Variants in FBXO32 observed in about 807,000 individuals in gnomAD.
FBXO32 encodes the protein F-box only protein 32.
FBXO32 carries 15 observed loss-of-function variants against 48.3 expected under a neutral mutation model. The observed-to-expected ratio is 0.31, with a 90% CI of 0.21 to 0.48. The LOEUF (loss-of-function observed/expected upper bound fraction) is 0.48. Among genes scored for constraint, FBXO32 ranks in the 20% least tolerant of loss-of-function variants. FBXO32 has a pLI of 0.99. For missense variants in FBXO32, 309 were observed against 432.7 expected, an observed-to-expected ratio of 0.71 and a Z score of 2.54; for synonymous variants, 154 against 165.9, an observed-to-expected ratio of 0.93 and a Z score of 0.55.
At chr8:123,534,125 A>AAG (rs1432339390) in intron 2 of FBXO32, among the ~76,000 whole-genome samples, 2 of 139,676 alleles carry the variant, frequency 1.4e-5, no homozygotes, top group Non-Finnish European at 3.3e-5. Flanking sequence ...AAAACACCAA[A>AAG]AAAAAAAAAA....
In FBXO32 at chr8:123,523,246, C is replaced by G. The variant is rs567882564; in HGVS notation, c.372+8652G>C. Among the ~76,000 whole-genome samples, 27 of 152,226 alleles carry G rather than the reference C, an allele frequency of 1.8e-4. 1 individual carries two copies. Among genetic ancestry groups the G allele is most frequent in the African/African-American group, 6.0e-4 (25 of 41,536 alleles). On this transcript the variant is annotated intron_variant, in intron 4 of 8. Coordinates refer to ENST00000517956, the MANE Select transcript of FBXO32 (RefSeq NM_058229.4). ...AGCTCACCTGCCCAATTTGGCACAT[C>G]CTAAGTTATGATAAGCCCCCAACAG...
At chr8:123,524,445 C>T (rs1586998314) in intron 4 of FBXO32, among the ~76,000 whole-genome samples, 1 of 152,316 alleles carries the variant, frequency 6.6e-6, no homozygotes, top group African/African-American at 2.4e-5. Context: ...AAGTTAATGA[C>T]CCCAGTACCA....
At chr8:123,511,936 T>C (rs1259491182) in intron 6 of FBXO32, among the ~76,000 whole-genome samples, 1 of 152,148 alleles carries the variant, frequency 6.6e-6, no homozygotes, top group Non-Finnish European at 1.5e-5. Context: ...AGAAACCAGG[T>C]AGAATGTGTA....
Position 123,525,399 on chromosome 8 carries a change from G to C in FBXO32, c.372+6499C>G, listed in dbSNP as rs752388237. 5.3e-5 allele frequency among the ~76,000 whole-genome samples: 8 copies of C among 152,298 alleles called. No individual in the cohort carries two copies. The highest frequency in any genetic ancestry group is 2.1e-4 in the South Asian group (1 of 4,820). On this transcript the variant is annotated intron_variant, in intron 4 of 8. Transcript: ENST00000517956. This position sits in a 1 kb window ranked among gnomAD's most constrained non-coding sequence, Gnocchi z 4.3. Reference sequence around the variant, plus strand: ...GAAAATTGGTACTCAAGTTCTCCGTGACCTTTCTGGGCTGTTAATGGTAGC... The same window carrying C: ...GAAAATTGGTACTCAAGTTCTCCGTCACCTTTCTGGGCTGTTAATGGTAGC...
intron 1 of FBXO32, among the ~76,000 whole-genome samples, chr8:123,537,411 A>G (rs1817328717): frequency 6.6e-6 from 1 of 152,170 alleles, no homozygotes; most frequent in Non-Finnish European, 1.5e-5. Flanking sequence ...ACCACATACC[A>G]AGATACTTTA....
chr8:123,532,901 C>A (rs1817237021), intron 3 of FBXO32, among the ~76,000 whole-genome samples: 1 of 152,194 alleles, frequency 6.6e-6, no homozygotes, highest in African/African-American at 2.4e-5. Context: ...TGAGGCAAAA[C>A]CCAGGGCAAT....
chr8:123,531,843 A>G (rs1817215865), intron 4 of FBXO32, 55 bp downstream of exon 4: 11 of 1,597,094 alleles, frequency 6.9e-6, no homozygotes, highest in Admixed American at 1.8e-5. Flanking sequence ...CAACCCAAAG[A>G]GATGATTCAA....
rs1337268089 is a variant in FBXO32, at chr8:123,513,093, A to C, written c.651+105T>G. On this transcript the variant is annotated intron_variant, in intron 6 of 8. Coordinates refer to ENST00000517956, the MANE Select transcript of FBXO32 (RefSeq NM_058229.4). The surrounding 1 kb of genome is among the most constrained non-coding windows in gnomAD (Gnocchi z 4.3). ...AGAACAAAGCAGCAGATCAGAAAAG[A>C]CCAGACTCTTCCGTCACAGGAGTGA... 1 of 1,239,128 alleles carries C rather than the reference A, an allele frequency of 8.1e-7. No homozygotes were observed. The highest frequency in any genetic ancestry group is 1.5e-5 in the African/African-American group (1 of 67,022). 76.8% of individuals were successfully genotyped at this position (1,239,128 alleles called of 1,614,324 possible).
intron 6 of FBXO32, among the ~76,000 whole-genome samples, chr8:123,507,438 G>GGTGTGTGTGTGTGT (rs200031056): frequency 1.2e-4 from 17 of 139,802 alleles, no homozygotes; most frequent in East Asian, 4.3e-4. Flanking sequence ...TCTGTGCTAG[G>GGTGTGTGTGTGTGT]GTGTGTGTGT....
Position 123,540,487 on chromosome 8 carries a change from C to G in FBXO32, c.116+412G>C, listed in dbSNP as rs1817389864. 6.6e-6 allele frequency among the ~76,000 whole-genome samples: 1 copy of G among 152,252 alleles called. No individual in the cohort carries two copies. Among genetic ancestry groups the G allele is most frequent in the African/African-American group, 2.4e-5 (1 of 41,468 alleles). On this transcript the variant is annotated intron_variant, in intron 1 of 8. Coordinates refer to ENST00000517956, the MANE Select transcript of FBXO32 (RefSeq NM_058229.4). The surrounding 1 kb of genome is among the most constrained non-coding windows in gnomAD (Gnocchi z 6.4). ...AGCGCTTGGGCGCTGGGAGCCGGGC[C>G]ACCCCGCGGTGAAGGGGCTCAGCCC...
At chr8:123,503,561 T>C (rs1036306493) in intron 8 of FBXO32, 99 bp from the exon 9 acceptor site, 12 of 816,314 alleles carry the variant, frequency 1.5e-5, no homozygotes, top group Middle Eastern at 3.0e-4. Context: ...CAATTCTCTG[T>C]CAATAATGCC....
Position 123,525,397 on chromosome 8 carries a change from G to A in FBXO32, c.372+6501C>T, listed in dbSNP as rs547607875. 2.6e-5 allele frequency among the ~76,000 whole-genome samples: 4 copies of A among 152,300 alleles called. No homozygotes were observed. The South Asian group carries it at 6.2e-4, about 24-fold the overall frequency. ...GAGAAAATTGGTACTCAAGTTCTCC[G>A]TGACCTTTCTGGGCTGTTAATGGTA... is the stretch of plus-strand genomic sequence containing the variant. On this transcript the variant is annotated intron_variant, in intron 4 of 8. Coordinates refer to ENST00000517956, the MANE Select transcript of FBXO32 (RefSeq NM_058229.4). The surrounding 1 kb of genome is among the most constrained non-coding windows in gnomAD (Gnocchi z 4.3).
At position 123,513,317 on chromosome 8, in the gene FBXO32, A is replaced by T; in HGVS notation, c.532T>A (p.Cys178Ser). 6.2e-7 allele frequency: 1 copy of T among 1,614,224 alleles called. No homozygotes were observed. The highest frequency in any genetic ancestry group is 8.5e-7 in the Non-Finnish European group (1 of 1,180,020). ...ELLQTLYTSL[C>S]TLVQRVGKSV... ...TTGCCGACTCTTTGGACCAGTGTAC[A>T]TAAGGATGTGTAGAGGGTCTGGAGT... Residue 178 changes from cysteine to serine, a missense_variant, in exon 6 of 9, where the codon TGT becomes AGT. Cys to Ser is a moderately radical substitution (Grantham distance 112). Coordinates refer to ENST00000517956, the MANE Select transcript of FBXO32 (RefSeq NM_058229.4). The surrounding 1 kb of genome is among the most constrained non-coding windows in gnomAD (Gnocchi z 4.3).
chr8:123,519,550 CAA>C (rs778974048), intron 4 of FBXO32, among the ~76,000 whole-genome samples: 6 of 72,262 alleles, frequency 8.3e-5, no homozygotes, highest in Middle Eastern at 7.2e-3. Context: ...GACTCCATCT[CAA>C]AAAAAAAAAA....
At chr8:123,527,284 G>A (rs947907320) in intron 4 of FBXO32, 60 of 152,190 alleles carry the variant, frequency 3.9e-4, no homozygotes, top group African/African-American at 1.4e-3. Context: ...TTTTGGAGGA[G>A]TGTAAGTTTG....
chr8:123,532,222 CT>C lies in FBXO32; in HGVS notation c.280-233del. 6.9e-6 allele frequency: 9 copies of C among 1,303,310 alleles called. No homozygotes were observed. In the South Asian group the frequency reaches 1.7e-4, roughly 24 times the overall value. 80.7% of individuals were successfully genotyped at this position (1,303,310 alleles called of 1,614,324 possible). A position where few individuals can be genotyped will look rare whatever the true frequency, so the allele number is the denominator to read the frequency against. On this transcript the variant is annotated intron_variant, in intron 3 of 8. Transcript: ENST00000517956. ...CAGCCCCTCACATGTCAAACACCCC[CT>C]TTTCGTGACTTGTACCATTTGGGAC...
At chr8:123,514,823 C>G (rs1816805196) in intron 4 of FBXO32, among the ~76,000 whole-genome samples, 2 of 152,368 alleles carry the variant, frequency 1.3e-5, no homozygotes, top group Non-Finnish European at 2.9e-5. Flanking sequence ...CTGATACCTC[C>G]TGCTTCTGCA....
At chr8:123,514,442 T>G (rs766527256) in intron 4 of FBXO32, 109 bp from the exon 5 acceptor site, 2 of 684,560 alleles carry the variant, frequency 2.9e-6, no homozygotes, top group Admixed American at 3.6e-5. Flanking sequence ...CGGGGAGAGA[T>G]AAATGGCAGG....
chr8:123,519,626 T>G (rs1276590452), intron 4 of FBXO32, among the ~76,000 whole-genome samples: 1 of 151,882 alleles, frequency 6.6e-6, no homozygotes, highest in Non-Finnish European at 1.5e-5. Flanking sequence ...TTAAGGGCAC[T>G]GTAATGCTCA....
Sources: allele counts gnomAD v4.1 joint callset (sites outside exome capture counted in the v4.1 genomes callset), GRCh38; gene constraint gnomAD v4.1.1; non-coding constraint Gnocchi (gnomAD v3.1); transcripts MANE v1.5; gene names NCBI Gene and HGNC (gene_info 2026-07-23, HGNC 2026-07-21).